RAPGEF4: variants seen among roughly 807,000 people sequenced by gnomAD.
RAPGEF4 encodes the protein RAP guanine-nucleotide-exchange factor (GEF) 4.
In RAPGEF4, 66 loss-of-function variants were observed where a neutral mutation model predicts 147.9. The ratio of observed to expected loss-of-function variants is 0.45; its 90% confidence interval spans 0.37 to 0.55. The LOEUF (loss-of-function observed/expected upper bound fraction) is 0.55, where lower values mean the gene tolerates loss of function less well. RAPGEF4 is among the 20% of genes least tolerant of loss of function. The pLI is 0.00. For missense variants in RAPGEF4, 1,071 were observed against 1,257.3 expected (o/e 0.85, Z 2.24); for synonymous variants, 419 against 442.7 (o/e 0.95, Z 0.67).
At chr2:172,770,709 T>G (rs1028553443) in intron 1 of RAPGEF4, among the ~76,000 whole-genome samples, 4 of 152,188 alleles carry the variant, frequency 2.6e-5, no homozygotes, top group Non-Finnish European at 4.4e-5. Context: ...TGCCATCTAT[T>G]GTCCCCATGG....
At chr2:172,817,791 T>C (rs1559056277) in intron 4 of RAPGEF4, among the ~76,000 whole-genome samples, 1 of 151,572 alleles carries the variant, frequency 6.6e-6, no homozygotes, top group Non-Finnish European at 1.5e-5. Context: ...TGCACATGCA[T>C]GTTTATAGCA....
chr2:172,905,099 C>T (rs778001572), intron 4 of RAPGEF4, among the ~76,000 whole-genome samples: 1 of 152,102 alleles, frequency 6.6e-6, no homozygotes, highest in East Asian at 1.9e-4. Flanking sequence ...TCTCCTTTCT[C>T]GCTTCCCCTA....
At chr2:172,765,516 A>G (rs181153799) in intron 1 of RAPGEF4, among the ~76,000 whole-genome samples, 8 of 152,222 alleles carry the variant, frequency 5.3e-5, no homozygotes, top group Admixed American at 1.3e-4. Flanking sequence ...ACTTGTCCCT[A>G]GTGTCTTGCC....
intron 26 of RAPGEF4, among the ~76,000 whole-genome samples, chr2:173,032,459 A>G (rs1018219644): frequency 5.9e-5 from 9 of 151,622 alleles, no homozygotes; most frequent in African/African-American, 2.2e-4. Flanking sequence ...CCTAAAAGAA[A>G]GCTAAGTAAA....
chr2:172,774,745 T>A (rs2149495361), intron 1 of RAPGEF4, among the ~76,000 whole-genome samples: 1 of 152,334 alleles, frequency 6.6e-6, no homozygotes, highest in East Asian at 1.9e-4. Context: ...ATCATGTAGA[T>A]ATATGTCTTA....
At chr2:173,025,810 C>T (rs888752518) in intron 23 of RAPGEF4, among the ~76,000 whole-genome samples, 4 of 152,174 alleles carry the variant, frequency 2.6e-5, no homozygotes, top group Non-Finnish European at 5.9e-5. Flanking sequence ...TTGCATTATA[C>T]GTGTGCTTCC....
intron 29 of RAPGEF4, among the ~76,000 whole-genome samples, chr2:173,047,392 A>G (rs1685610941): frequency 6.6e-6 from 1 of 152,226 alleles, no homozygotes; most frequent in Non-Finnish European, 1.5e-5. Context: ...CCAAATTTTA[A>G]AAGGTCAAAT....
At chr2:172,952,758 A>G (rs1413534642) in intron 6 of RAPGEF4, among the ~76,000 whole-genome samples, 1 of 152,224 alleles carries the variant, frequency 6.6e-6, no homozygotes, top group Admixed American at 6.5e-5. Flanking sequence ...TAACAGATAT[A>G]GATATACCTC....
chr2:173,048,669 G>A lies in RAPGEF4; in HGVS notation c.2908+15G>A, dbSNP rs748376352. ...CCAACCCTTCAGTAAGTTAAGTGCTGCCACCTCTTACAATGTAGATGTTGG... is the reference window on the plus strand; with the variant it reads ...CCAACCCTTCAGTAAGTTAAGTGCTACCACCTCTTACAATGTAGATGTTGG... On this transcript the variant is annotated intron_variant, in intron 30 of 30. Coordinates refer to ENST00000397081, the MANE Select transcript of RAPGEF4 (RefSeq NM_007023.4). 6.2e-7 allele frequency: 1 copy of A among 1,613,954 alleles called. No homozygotes were observed.
At position 173,018,679 on chromosome 2, in the gene RAPGEF4, G is replaced by A. The variant is rs1488197817; in HGVS notation, c.2032G>A (p.Asp678Asn). 1 of 1,614,036 alleles carries A rather than the reference G, an allele frequency of 6.2e-7. No homozygotes were observed. The highest frequency in any genetic ancestry group is 8.5e-7 in the Non-Finnish European group (1 of 1,180,006). ...DEVLFKVYCMDHTYTTIRVPV... is the reference protein window; with the variant it reads ...DEVLFKVYCMNHTYTTIRVPV... ...AGTTCTGTTTAAGGTCTATTGCATG[G>A]ACCACACCTACACAACCATTCGGGT... is the stretch of plus-strand genomic sequence containing the variant. Residue 678 changes from aspartate to asparagine, a missense_variant, in exon 22 of 31, where the codon GAC (aspartate) becomes AAC (asparagine). Physicochemically the swap from Asp to Asn is conservative, Grantham distance 23. Coordinates refer to ENST00000397081, the MANE Select transcript of RAPGEF4 (RefSeq NM_007023.4).
intron 4 of RAPGEF4, among the ~76,000 whole-genome samples, chr2:172,897,815 C>A (rs1291410071): frequency 6.7e-6 from 1 of 148,968 alleles, no homozygotes; most frequent in Non-Finnish European, 1.5e-5. Flanking sequence ...TTTGGAATTG[C>A]CTTTTTCACT....
intron 4 of RAPGEF4, among the ~76,000 whole-genome samples, chr2:172,859,275 T>A (rs1212330641): frequency 2.0e-5 from 3 of 152,218 alleles, no homozygotes; most frequent in African/African-American, 7.2e-5. Context: ...ATTACTTCAG[T>A]AATCATTGTA....
intron 4 of RAPGEF4, among the ~76,000 whole-genome samples, chr2:172,869,548 T>G (rs1694991193): frequency 6.6e-6 from 1 of 152,184 alleles, no homozygotes; most frequent in Non-Finnish European, 1.5e-5. Flanking sequence ...GTTTCACCCA[T>G]GTAGCTGTGT....
At chr2:172,871,624 A>G (rs1320436173) in intron 4 of RAPGEF4, among the ~76,000 whole-genome samples, 1 of 142,744 alleles carries the variant, frequency 7.0e-6, no homozygotes, top group African/African-American at 2.6e-5. Flanking sequence ...AAAAAAGCAG[A>G]CTTTTTTTTT....
At chr2:172,865,718 C>T (rs1182342968) in intron 4 of RAPGEF4, among the ~76,000 whole-genome samples, 1 of 151,970 alleles carries the variant, frequency 6.6e-6, no homozygotes, top group African/African-American at 2.4e-5. Context: ...GTTGGCCACT[C>T]CCCCCACCAC....
chr2:173,035,651 C>T (rs1039488790), intron 27 of RAPGEF4, among the ~76,000 whole-genome samples: 2 of 152,274 alleles, frequency 1.3e-5, no homozygotes, highest in Middle Eastern at 3.4e-3. Flanking sequence ...TCATGCCCAG[C>T]CCAAGCATAA....
rs1683974717 is a variant in RAPGEF4 at position 173,036,126 on chromosome 2, A to T, written c.2702A>T (p.Asp901Val). The T allele has an allele frequency of 1.2e-6, 2 of 1,605,068 alleles. No individual in the cohort carries two copies. The highest frequency in any genetic ancestry group is 3.3e-5 in the Admixed American group (2 of 59,980). ...KFYAEFESLM[D>V]PSRNHRAYRL... ...CATCATCTCTTTTTCTCTCCTAAGGACCCTTCAAGGAACCACAGGGCCTAC... is the reference window on the plus strand; with the variant it reads ...CATCATCTCTTTTTCTCTCCTAAGGTCCCTTCAAGGAACCACAGGGCCTAC... Residue 901 changes from aspartate (D) to valine (V), a missense_variant and splice_region_variant, in exon 28 of 31, where the codon GAC becomes GTC. Physicochemically the swap from Asp to Val is radical, Grantham distance 152. Transcript: ENST00000397081.
intron 4 of RAPGEF4, among the ~76,000 whole-genome samples, chr2:172,855,417 A>G (rs1213267291): frequency 6.6e-6 from 1 of 152,160 alleles, no homozygotes; most frequent in Non-Finnish European, 1.5e-5. Context: ...TAGAATTTTT[A>G]TTTCAATGGT....
chr2:172,754,949 A>C lies in RAPGEF4; in HGVS notation c.65+18901A>C, dbSNP rs184065226. Among the ~76,000 whole-genome samples the C allele has an allele frequency of 5.3e-5, 8 of 152,302 alleles. 1 individual carries two copies. The highest frequency in any genetic ancestry group is 1.9e-4 in the African/African-American group (8 of 41,578). On this transcript the variant is annotated intron_variant, in intron 1 of 30. Coordinates refer to ENST00000397081, the MANE Select transcript of RAPGEF4 (RefSeq NM_007023.4). ...TCCCAGCTAATCGGGAGGCTGAGGC[A>C]GGAGAATGGCATGAACCCAGGATGC...
Sources: gnomAD v4.1 joint callset for allele counts (sites outside exome capture counted in the v4.1 genomes callset) on GRCh38, gnomAD v4.1.1 for gene constraint, MANE v1.5 for transcripts, NCBI Gene and HGNC (gene_info 2026-07-23, HGNC 2026-07-21) for gene names.